The following UMODL1 variants were observed in gnomAD, a reference collection of about 807,000 sequenced individuals.
UMODL1 encodes uromodulin-like 1.
UMODL1 carries 128 observed loss-of-function variants against 136.3 expected under a neutral mutation model. The ratio of observed to expected loss-of-function variants is 0.94; its 90% confidence interval spans 0.81 to 1.09. UMODL1 has a LOEUF of 1.09. Ranked by LOEUF, UMODL1 falls within the 50% of genes least tolerant of loss-of-function variation. The pLI is 0.00. For missense variants in UMODL1, 1,766 were observed against 1,725.6 expected (o/e 1.02, Z -0.41); for synonymous variants, 721 against 720.0 (o/e 1.00, Z -0.02).
At chr21:42,115,201 C>A (rs765856486) in intron 13 of UMODL1, among the ~76,000 whole-genome samples, 22 of 152,210 alleles carry the variant, frequency 1.4e-4, no homozygotes, top group Non-Finnish European at 2.9e-4. Flanking sequence ...GAGGGACTGA[C>A]TGAACACTGG....
chr21:42,141,979 T>C (rs1464486760), intron 22 of UMODL1, 117 bp from the exon 23 acceptor site: 1 of 152,212 alleles, frequency 6.6e-6, no homozygotes, highest in Non-Finnish European at 1.5e-5. Context: ...CCAGTAAACA[T>C]AGACGCCATG....
chr21:42,090,293 T>G lies in UMODL1; in HGVS notation c.791-5T>G. On this transcript the variant is annotated splice_region_variant and splice_polypyrimidine_tract_variant and intron_variant, in intron 5 of 22. Coordinates refer to ENST00000408910, the MANE Select transcript of UMODL1 (RefSeq NM_001004416.3). ...GAGTGTGGGTCCTGCTCTCCTTCCC[T>G]GTAGATGTCAATGAGTGTTTCTATG... is the stretch of plus-strand genomic sequence containing the variant. The G allele has an allele frequency of 6.2e-7, 1 of 1,614,156 alleles. No homozygotes were observed. Among genetic ancestry groups the G allele is most frequent in the Non-Finnish European group, 8.5e-7 (1 of 1,180,012 alleles).
chr21:42,099,164 G>A lies in UMODL1; in HGVS notation c.1170G>A (p.Thr390=), dbSNP rs775372608. The change falls in exon 7 of 23, where the codon ACG becomes ACA. Residue 390 remains threonine (T), a synonymous_variant. Coordinates refer to ENST00000408910, the MANE Select transcript of UMODL1 (RefSeq NM_001004416.3). The surrounding 1 kb of genome is among the most constrained non-coding windows in gnomAD (Gnocchi z 4.1). ...YQGCGADVST[T]LTIKTNAQVF... ...GGTGCGGGGCCGACGTCTCCACCAC[G>A]CTGACCATCAAAACCAGTAAGGCCC... 5.0e-6 allele frequency: 8 copies of A among 1,612,340 alleles called. No homozygotes were observed. In the South Asian group the frequency reaches 6.6e-5, roughly 13 times the overall value.
intron 7 of UMODL1, among the ~76,000 whole-genome samples, chr21:42,101,553 C>T (rs756458679): frequency 3.3e-5 from 5 of 152,202 alleles, no homozygotes; most frequent in Middle Eastern, 3.4e-3. Flanking sequence ...CTCCTGTGCC[C>T]GCCGACGCTT....
At chr21:42,082,831 T>C (rs1438097426) in intron 2 of UMODL1, among the ~76,000 whole-genome samples, 1 of 152,216 alleles carries the variant, frequency 6.6e-6, no homozygotes, top group Non-Finnish European at 1.5e-5. Context: ...CTTGTGCTTC[T>C]TGGAGCCCTG....
intron 6 of UMODL1, chr21:42,093,448 G>T (rs946402382): frequency 6.3e-6 from 1 of 158,384 alleles, no homozygotes; most frequent in African/African-American, 2.4e-5. Context: ...CAAGCTCCCA[G>T]CCTCAAGAGA....
At chr21:42,078,698 G>A (rs1297532919) in intron 2 of UMODL1, among the ~76,000 whole-genome samples, 1 of 142,338 alleles carries the variant, frequency 7.0e-6, no homozygotes, top group Admixed American at 6.9e-5. Flanking sequence ...AAACCAGGCG[G>A]GGCCAGCTGA....
intron 9 of UMODL1, 94 bp from the exon 10 acceptor site, chr21:42,109,468 G>A: frequency 6.5e-7 from 1 of 1,549,328 alleles, no homozygotes; most frequent in South Asian, 1.2e-5. Flanking sequence ...TCACTGCAAA[G>A]ACGGCTAGGA....
chr21:42,094,825 C>T lies in UMODL1; in HGVS notation c.932-4101C>T, dbSNP rs77049680. 7.3e-4 allele frequency among the ~76,000 whole-genome samples: 90 copies of T among 124,114 alleles called. 2 individuals carry two copies. The East Asian group carries it at 0.022, about 30-fold the overall frequency. The allele number at this position is 124,114 out of a possible 152,430, so 81.4% of individuals were successfully genotyped here. ...GCTGTCCAGCCACGGGAACAGCTGC[C>T]GTGAAATTTCGTAGATATGTAAGTT... is the stretch of plus-strand genomic sequence containing the variant. On this transcript the variant is annotated intron_variant, in intron 6 of 22. Transcript: ENST00000408910.
At chr21:42,115,105 A>G (rs1449183015) in intron 13 of UMODL1, among the ~76,000 whole-genome samples, 1 of 152,220 alleles carries the variant, frequency 6.6e-6, no homozygotes, top group Non-Finnish European at 1.5e-5. Context: ...GATGGACTCT[A>G]AGCCCCCTGA....
At chr21:42,073,949 G>A (rs865795925) in intron 1 of UMODL1, among the ~76,000 whole-genome samples, 11 of 152,176 alleles carry the variant, frequency 7.2e-5, no homozygotes, top group African/African-American at 2.4e-4. Flanking sequence ...CAAATCCTCC[G>A]TTCATCCTGC....
At chr21:42,133,503 A>T (rs990333933) in intron 21 of UMODL1, among the ~76,000 whole-genome samples, 4 of 152,082 alleles carry the variant, frequency 2.6e-5, no homozygotes, top group Non-Finnish European at 4.4e-5. Flanking sequence ...CATCACACTC[A>T]CGATGTCTTG....
rs571175815 is a variant in UMODL1, at chr21:42,104,595, G to A, written c.1519+508G>A. Among the ~76,000 whole-genome samples the A allele has an allele frequency of 5.1e-4, 77 of 152,100 alleles. 1 individual carries two copies. The highest frequency in any genetic ancestry group is 1.8e-3 in the African/African-American group (73 of 41,480). On this transcript the variant is annotated intron_variant, in intron 9 of 22. Coordinates refer to ENST00000408910, the MANE Select transcript of UMODL1 (RefSeq NM_001004416.3). ...TTCTCCAGTAGCTGGGATTATAGGC[G>A]CCTGCCACCACGCCTGGCTAATTTT...
intron 6 of UMODL1, among the ~76,000 whole-genome samples, chr21:42,093,143 T>C (rs189228588): frequency 2.6e-5 from 4 of 152,382 alleles, no homozygotes; most frequent in Non-Finnish European, 4.4e-5. Flanking sequence ...AATTATTTTA[T>C]TTGGCGTTCT....
Position 42,122,678 on chromosome 21 carries a change from T to C in UMODL1, c.2828-153T>C, listed in dbSNP as rs1009063666. Among the ~76,000 whole-genome samples the C allele has an allele frequency of 1.3e-5, 2 of 151,668 alleles. No homozygotes were observed. On this transcript the variant is annotated intron_variant, in intron 16 of 22. Coordinates refer to ENST00000408910, the MANE Select transcript of UMODL1 (RefSeq NM_001004416.3). This position sits in a 1 kb window ranked among gnomAD's most constrained non-coding sequence, Gnocchi z 4.3. ...ATATGTGTGCGTGTGTGTGTGTGTG[T>C]GTGCACGTGTGTAGTTGTGGCTGGA...
At position 42,094,092 on chromosome 21, in the gene UMODL1, T is replaced by C. The variant is rs1044855276; in HGVS notation, c.931+3654T>C. 7.6e-6 allele frequency: 3 copies of C among 393,200 alleles called. 1 individual carries two copies. The highest frequency in any genetic ancestry group is 2.1e-5 in the African/African-American group (1 of 48,346). The allele number at this position is 393,200 out of a possible 1,614,324, so 24.4% of individuals were successfully genotyped here. A position where few individuals can be genotyped will look rare whatever the true frequency, so the allele number is the denominator to read the frequency against. On this transcript the variant is annotated intron_variant, in intron 6 of 22. Transcript: ENST00000408910. ...AAAAATATTAGATTCTATTTACGGT[T>C]AGGTTTGTTGGCAGTCACACTCTGC...
At chr21:42,075,059 C>T (rs1056486222) in intron 1 of UMODL1, among the ~76,000 whole-genome samples, 7 of 152,012 alleles carry the variant, frequency 4.6e-5, no homozygotes, top group African/African-American at 1.7e-4. Context: ...CCGCCACTCC[C>T]GGCTAATTTT....
Position 42,085,379 on chromosome 21 carries a change from G to C in UMODL1, c.570G>C (p.Arg190Ser), listed in dbSNP as rs2066413910. Residue 190 changes from arginine to serine, a missense_variant, in exon 4 of 23, where the codon AGG (arginine) becomes AGC (serine). Transcript: ENST00000408910. This position sits in a 1 kb window ranked among gnomAD's most constrained non-coding sequence, Gnocchi z 4.5. Reference protein sequence around the residue: ...DFKELQQVDPRLLNHMRLLHS... With the variant: ...DFKELQQVDPSLLNHMRLLHS... ...AGGAACTCCAGCAAGTGGACCCCAG[G>C]CTCCTGAACCACATGCGCCTTCTGC... The C allele has an allele frequency of 1.2e-6, 2 of 1,614,056 alleles. No individual in the cohort carries two copies. Among genetic ancestry groups the C allele is most frequent in the East Asian group, 2.2e-5 (1 of 44,880 alleles).
chr21:42,079,472 G>A (rs1194253790), intron 2 of UMODL1, among the ~76,000 whole-genome samples: 1 of 152,224 alleles, frequency 6.6e-6, no homozygotes, highest in African/African-American at 2.4e-5. Context: ...GGAGAGTGAG[G>A]CCACAGGGAG....
Sources: gnomAD v4.1 joint callset for allele counts (sites outside exome capture counted in the v4.1 genomes callset) on GRCh38, gnomAD v4.1.1 for gene constraint, Gnocchi (gnomAD v3.1) non-coding constraint, MANE v1.5 for transcripts, NCBI Gene and HGNC (gene_info 2026-07-23, HGNC 2026-07-21) for gene names.